DPP6: variants seen among roughly 807,000 people sequenced by gnomAD.
DPP6 encodes the protein dipeptidyl peptidase like 6.
A neutral mutation model predicts 122.6 loss-of-function variants in DPP6; 69 were observed. The observed-to-expected ratio is 0.56, with a 90% CI of 0.46 to 0.69. DPP6 has a LOEUF of 0.69. Among genes scored for constraint, DPP6 ranks in the 30% least tolerant of loss-of-function variants. The probability of loss-of-function intolerance (pLI) is 0.00; values close to 1 mark genes in which losing one functional copy is unlikely to be tolerated. For missense variants in DPP6, 928 were observed against 1,116.9 expected, an observed-to-expected ratio of 0.83 and a Z score of 2.41; for synonymous variants, 418 against 433.1, an observed-to-expected ratio of 0.97 and a Z score of 0.43.
In DPP6 at chr7:154,052,825, C is replaced by T. The variant is rs1439696682; in HGVS notation, c.5C>T (p.Ala2Val). 2.0e-6 allele frequency: 3 copies of T among 1,527,962 alleles called. No homozygotes were observed. The highest frequency in any genetic ancestry group is 2.6e-6 in the Non-Finnish European group (3 of 1,136,840). The allele number at this position is 1,527,962 out of a possible 1,614,324, so 94.7% of individuals were successfully genotyped here. A position where few individuals can be genotyped will look rare whatever the true frequency, so the allele number is the denominator to read the frequency against. The change falls in exon 1 of 26, where the codon GCT becomes GTT. Residue 2 changes from alanine to valine, a missense_variant. Coordinates refer to ENST00000377770, the MANE Select transcript of DPP6 (RefSeq NM_130797.4). The surrounding 1 kb of genome is among the most constrained non-coding windows in gnomAD (Gnocchi z 4.8). ...CCAGCAGGAGCGCGGTGCCCGATGG[C>T]TTCGCTGTACCAGAGGTTCACTGGC... M[A>V]SLYQRFTGKI...
intron 1 of DPP6, among the ~76,000 whole-genome samples, chr7:154,019,303 C>T (rs1368267271): frequency 6.6e-6 from 1 of 152,134 alleles, no homozygotes; most frequent in African/African-American, 2.4e-5. Flanking sequence ...TTACTCCCTT[C>T]CACCTCTGTC....
At chr7:153,792,096 ACT>A in the DPP6 span, among the ~76,000 whole-genome samples, 1 of 152,088 alleles carries the variant, frequency 6.6e-6, no homozygotes, top group Non-Finnish European at 1.5e-5. Context: ...TGCACATACT[ACT>A]CTTATTTATA....
At chr7:154,325,773 C>T (rs1313755400) in intron 1 of DPP6, among the ~76,000 whole-genome samples, 2 of 152,154 alleles carry the variant, frequency 1.3e-5, no homozygotes, top group East Asian at 3.8e-4. Flanking sequence ...AGAGGGAAGA[C>T]ACTTATATTT....
intron 10 of DPP6, among the ~76,000 whole-genome samples, chr7:154,789,511 G>A (rs1563212314): frequency 1.3e-5 from 2 of 152,214 alleles, no homozygotes. Flanking sequence ...CATCTGTGTT[G>A]CAGTTAGAGA....
chr7:154,504,676 T>G (rs986487271), intron 3 of DPP6, among the ~76,000 whole-genome samples: 2 of 152,134 alleles, frequency 1.3e-5, no homozygotes, highest in Non-Finnish European at 2.9e-5. Flanking sequence ...AAATGCAAAT[T>G]AAATACTGCC....
chr7:154,347,151 A>G (rs1810469854), intron 1 of DPP6, among the ~76,000 whole-genome samples: 1 of 152,192 alleles, frequency 6.6e-6, no homozygotes, highest in Admixed American at 6.5e-5. Flanking sequence ...TGCTCGGTTC[A>G]TGTAACGTAC....
chr7:153,814,531 A>G, the DPP6 span, among the ~76,000 whole-genome samples: 1 of 152,138 alleles, frequency 6.6e-6, no homozygotes. Flanking sequence ...CCAGAGGTAC[A>G]AGGAGGAACT....
chr7:153,748,835 CAGA>C, the DPP6 span, among the ~76,000 whole-genome samples: 2 of 139,700 alleles, frequency 1.4e-5, no homozygotes, highest in South Asian at 5.3e-4. Flanking sequence ...GACTCGGCTG[CAGA>C]AGGAGGACCC....
chr7:154,621,603 G>A (rs1304284546), intron 5 of DPP6, among the ~76,000 whole-genome samples: 1 of 152,188 alleles, frequency 6.6e-6, no homozygotes, highest in Non-Finnish European at 1.5e-5. Context: ...CTGACCTCAG[G>A]TGATCCGCCC....
At chr7:154,090,191 G>A (rs1475594289) in intron 1 of DPP6, among the ~76,000 whole-genome samples, 2 of 152,016 alleles carry the variant, frequency 1.3e-5, no homozygotes, top group Non-Finnish European at 2.9e-5. Context: ...CAGCAAAGTA[G>A]CCTTCATCTT....
intron 1 of DPP6, among the ~76,000 whole-genome samples, chr7:153,970,576 G>A (rs937936179): frequency 1.3e-5 from 2 of 152,020 alleles, no homozygotes; most frequent in African/African-American, 2.4e-5. Context: ...TCTCAGCCAA[G>A]GTCATTAAGC....
chr7:154,300,483 G>T (rs2150979079), intron 1 of DPP6, among the ~76,000 whole-genome samples: 1 of 152,338 alleles, frequency 6.6e-6, no homozygotes, highest in African/African-American at 2.4e-5. Context: ...CAGAGTCAAG[G>T]TCATAGCAAG....
chr7:154,851,105 G>C (rs4960557), intron 16 of DPP6, among the ~76,000 whole-genome samples: 2,845 of 152,286 alleles, frequency 0.019, 78 homozygotes, highest in African/African-American at 0.064. Context: ...ATAGATCACT[G>C]TTACTTTATT....
At chr7:154,134,896 C>T (rs1646260219) in intron 1 of DPP6, among the ~76,000 whole-genome samples, 1 of 152,088 alleles carries the variant, frequency 6.6e-6, no homozygotes, top group Admixed American at 6.5e-5. Context: ...GTGTATACTT[C>T]CTGTGAGTTT....
At chr7:154,036,551 C>T (rs1029358416) in intron 1 of DPP6, among the ~76,000 whole-genome samples, 19 of 151,480 alleles carry the variant, frequency 1.3e-4, no homozygotes, top group Non-Finnish European at 2.2e-4. Context: ...TCTAATCATT[C>T]CTGGGCAACT....
At chr7:154,628,435 T>C (rs1012411699) in intron 5 of DPP6, among the ~76,000 whole-genome samples, 8 of 152,196 alleles carry the variant, frequency 5.3e-5, no homozygotes, top group Non-Finnish European at 1.2e-4. Flanking sequence ...CTCAGGTAGC[T>C]TTGTTTCCAG....
At chr7:154,014,850 G>A (rs1479263421) in intron 1 of DPP6, among the ~76,000 whole-genome samples, 1 of 151,800 alleles carries the variant, frequency 6.6e-6, no homozygotes, top group East Asian at 2.0e-4. Flanking sequence ...TTGTGATAAA[G>A]CAGTCACTAA....
At chr7:154,122,985 C>T (rs1439595810) in intron 1 of DPP6, among the ~76,000 whole-genome samples, 1 of 152,044 alleles carries the variant, frequency 6.6e-6, no homozygotes, top group South Asian at 2.1e-4. Flanking sequence ...AACAAGCAGC[C>T]AACAGCAGCC....
intron 5 of DPP6, chr7:154,587,099 T>C (rs927857879): frequency 2.0e-5 from 3 of 153,428 alleles, no homozygotes; most frequent in Non-Finnish European, 4.4e-5. Context: ...GTTGAGGATC[T>C]TGAGTCTGAC....
Sources: allele counts gnomAD v4.1 joint callset (sites outside exome capture counted in the v4.1 genomes callset), GRCh38; gene constraint gnomAD v4.1.1; non-coding constraint Gnocchi (gnomAD v3.1); transcripts MANE v1.5; gene names NCBI Gene and HGNC (gene_info 2026-07-23, HGNC 2026-07-21).